ANGPT1: variants seen among roughly 807,000 people sequenced by gnomAD.
ANGPT1 encodes the protein angiopoietin-1.
Under a neutral mutation model 62.2 loss-of-function variants are expected in ANGPT1, and 17 were observed. The observed-to-expected ratio is 0.27, with a 90% confidence interval of 0.19 to 0.41. The LOEUF is 0.41. Among genes scored for constraint, ANGPT1 ranks in the 10% least tolerant of loss-of-function variants. The pLI, the probability that ANGPT1 is intolerant of heterozygous loss-of-function variation, is 1.00. For synonymous variants in ANGPT1, 199 were observed against 198.9 expected, an observed-to-expected ratio of 1.00 and a Z score of 0.00; for missense variants, 478 against 594.9, an observed-to-expected ratio of 0.80 and a Z score of 2.04.
intron 6 of ANGPT1, among the ~76,000 whole-genome samples, chr8:107,286,127 T>TA (rs1209894196): frequency 2.6e-5 from 4 of 152,128 alleles, no homozygotes; most frequent in Admixed American, 1.3e-4. Flanking sequence ...AAATGTTTCT[T>TA]AAAGTGCCCA....
intron 4 of ANGPT1, among the ~76,000 whole-genome samples, chr8:107,313,214 C>T (rs4734963): frequency 0.6 from 91,730 of 151,890 alleles, 28,682 homozygotes; most frequent in African/African-American, 0.78. Flanking sequence ...ATTTGATAAT[C>T]TGACTTATTC....
At chr8:107,413,080 T>C (rs1810632782) in intron 1 of ANGPT1, among the ~76,000 whole-genome samples, 1 of 152,180 alleles carries the variant, frequency 6.6e-6, no homozygotes, top group South Asian at 2.1e-4. Context: ...TAAGTATTTT[T>C]CTGTCATTTT....
chr8:107,269,032 G>A (rs1813679869), intron 7 of ANGPT1, among the ~76,000 whole-genome samples: 1 of 152,034 alleles, frequency 6.6e-6, no homozygotes, highest in African/African-American at 2.4e-5. Context: ...GGGAGATAAA[G>A]ATGAAATGTC....
In ANGPT1 at chr8:107,336,219, G is replaced by C. The variant is rs1255655258; in HGVS notation, c.506C>G (p.Ser169Cys). 6.2e-7 allele frequency: 1 copy of C among 1,608,754 alleles called. No homozygotes were observed. Reference sequence around the variant, plus strand: ...AAGTTGCTTCTCTAGCTTGTAGGTGGATAATGAATTCTCCAGCAGCTGTAT... The same window carrying C: ...AAGTTGCTTCTCTAGCTTGTAGGTGCATAATGAATTCTCCAGCAGCTGTAT... ...LEIQLLENSL[S>C]TYKLEKQLLQ... Residue 169 changes from serine to cysteine, a missense_variant, in exon 3 of 9, where the codon TCC (serine) becomes TGC (cysteine). Ser to Cys is a moderately radical substitution (Grantham distance 112). Transcript: ENST00000517746.
chr8:107,431,375 T>TTTCTAA (rs577790788), intron 1 of ANGPT1, among the ~76,000 whole-genome samples: 1,760 of 143,430 alleles, frequency 0.012, 26 homozygotes, highest in Middle Eastern at 0.042. Flanking sequence ...GAGGAGGAAT[T>TTTCTAA]TTCTAAGTGT....
intron 4 of ANGPT1, among the ~76,000 whole-genome samples, chr8:107,321,098 A>G (rs1815139714): frequency 6.6e-6 from 1 of 152,106 alleles, no homozygotes. Context: ...GAAGAGCTCT[A>G]CTGAGGCTCA....
At chr8:107,379,442 G>A (rs1586273063) in intron 1 of ANGPT1, among the ~76,000 whole-genome samples, 1 of 152,050 alleles carries the variant, frequency 6.6e-6, no homozygotes. Context: ...CTGAGATAGA[G>A]CAAGCATTAC....
intron 7 of ANGPT1, among the ~76,000 whole-genome samples, chr8:107,270,346 T>C (rs1438572039): frequency 6.6e-6 from 1 of 152,090 alleles, no homozygotes; most frequent in Non-Finnish European, 1.5e-5. Flanking sequence ...ACTGACAAGC[T>C]GAGCAGATTT....
At chr8:107,409,989 C>T (rs1481995363) in intron 1 of ANGPT1, among the ~76,000 whole-genome samples, 1 of 148,726 alleles carries the variant, frequency 6.7e-6, no homozygotes, top group Non-Finnish European at 1.5e-5. Context: ...ATCCATCCAA[C>T]CATCCAAGAT....
chr8:107,419,891 G>C (rs1235240669), intron 1 of ANGPT1, among the ~76,000 whole-genome samples: 3 of 152,124 alleles, frequency 2.0e-5, no homozygotes, highest in Admixed American at 6.6e-5. Flanking sequence ...ATATTGCACT[G>C]CTATTTGATG....
chr8:107,373,889 G>T (rs536696004), intron 1 of ANGPT1, among the ~76,000 whole-genome samples: 1 of 152,284 alleles, frequency 6.6e-6, no homozygotes, highest in East Asian at 1.9e-4. Context: ...TAGAAGAAAT[G>T]ACTTAGTTAA....
At chr8:107,405,058 TA>T (rs1240299273) in intron 1 of ANGPT1, among the ~76,000 whole-genome samples, 1 of 151,974 alleles carries the variant, frequency 6.6e-6, no homozygotes, top group Non-Finnish European at 1.5e-5. Flanking sequence ...TATTCATCTA[TA>T]AAAAATATAT....
At chr8:107,327,837 C>T (rs1025237909) in intron 3 of ANGPT1, among the ~76,000 whole-genome samples, 3 of 152,054 alleles carry the variant, frequency 2.0e-5, no homozygotes, top group Admixed American at 6.6e-5. Context: ...ATCTGTGCCT[C>T]GAACTTTAGT....
At chr8:107,282,894 C>T (rs371219116) in intron 7 of ANGPT1, among the ~76,000 whole-genome samples, 7 of 151,874 alleles carry the variant, frequency 4.6e-5, no homozygotes, top group East Asian at 3.9e-4. Context: ...GAATGGCATA[C>T]ACATCATACA....
chr8:107,377,357 C>T (rs1056668783), intron 1 of ANGPT1, among the ~76,000 whole-genome samples: 6 of 152,156 alleles, frequency 3.9e-5, no homozygotes, highest in Admixed American at 1.3e-4. Context: ...GTGACATTGG[C>T]ATATGCATAG....
intron 7 of ANGPT1, among the ~76,000 whole-genome samples, chr8:107,266,503 G>C (rs987674875): frequency 1.3e-5 from 2 of 152,200 alleles, no homozygotes; most frequent in African/African-American, 4.8e-5. Context: ...TCAGAATTGA[G>C]AGAATAAGTG....
chr8:107,349,432 G>A (rs1201578657), intron 1 of ANGPT1, among the ~76,000 whole-genome samples: 5 of 152,146 alleles, frequency 3.3e-5, no homozygotes, highest in African/African-American at 7.2e-5. Context: ...GGAGGAAAAC[G>A]TTAAGAGAAT....
At chr8:107,314,829 T>G (rs1025976175) in intron 4 of ANGPT1, among the ~76,000 whole-genome samples, 1 of 152,208 alleles carries the variant, frequency 6.6e-6, no homozygotes, top group African/African-American at 2.4e-5. Flanking sequence ...ATATATTCCA[T>G]TTTTATCAAT....
chr8:107,307,590 T>G (rs1334365578), intron 4 of ANGPT1, among the ~76,000 whole-genome samples: 1 of 152,132 alleles, frequency 6.6e-6, no homozygotes, highest in Non-Finnish European at 1.5e-5. Context: ...CGTTTTTTGT[T>G]GACCTCTCCT....
Sources: allele counts gnomAD v4.1 joint callset (sites outside exome capture counted in the v4.1 genomes callset), GRCh38; gene constraint gnomAD v4.1.1; transcripts MANE v1.5; gene names NCBI Gene and HGNC (gene_info 2026-07-23, HGNC 2026-07-21).